The following TPPP2 variants were observed in gnomAD, a reference collection of about 807,000 sequenced individuals.
TPPP2 encodes tubulin polymerization promoting protein family member 2, also known as tubulin polymerization-promoting protein family member 2.
In TPPP2, 8 loss-of-function variants were observed where a neutral mutation model predicts 13.0. That is an observed-to-expected ratio of 0.62 (90% CI 0.36 to 1.11). The LOEUF is 1.11. Among genes scored for constraint, TPPP2 ranks in the 50% most tolerant of loss-of-function variants. TPPP2 has a pLI of 0.02. For synonymous variants in TPPP2, 81 were observed against 81.8 expected (o/e 0.99, Z 0.05); for missense variants, 213 against 216.9 (o/e 0.98, Z 0.11).
downstream of TPPP2, chr14:21,033,483 G>A (rs1030253687): frequency 8.5e-6 from 3 of 353,076 alleles, no homozygotes; most frequent in Admixed American, 4.3e-5. Context: ...GAGGCCCTGG[G>A]CCTCCATCCA....
Position 21,025,083 on chromosome 14 carries a change from C to G in TPPP2, n.236+739C>G, listed in dbSNP as rs915139170. On this transcript the variant is annotated intron_variant and non_coding_transcript_variant, in intron 1 of 1. Coordinates refer to the TPPP2 transcript ENST00000533755. The surrounding 1 kb of genome is among the most constrained non-coding windows in gnomAD (Gnocchi z 5.1). ...ACTTGCCTTTGACTCGGGCCCGCCC[C>G]GGCTCGGGCTTCCCGCAGACCCGCC... The G allele has an allele frequency of 3.0e-6, 3 of 986,062 alleles. No individual in the cohort carries two copies. The highest frequency in any genetic ancestry group is 3.6e-6 in the Non-Finnish European group (3 of 830,618). The allele number at this position is 986,062 out of a possible 1,614,324, so 61.1% of individuals were successfully genotyped here.
downstream of TPPP2, among the ~76,000 whole-genome samples, chr14:21,035,053 C>CA (rs561749003): frequency 2.1e-3 from 315 of 152,328 alleles, 1 homozygote; most frequent in Non-Finnish European, 3.8e-3. Flanking sequence ...TCCTGACCCT[C>CA]AGAGAACAGA....
chr14:21,031,307 C>T, intron 3 of TPPP2, 142 bp downstream of exon 3: 5 of 1,150,844 alleles, frequency 4.3e-6, no homozygotes, highest in Non-Finnish European at 5.9e-6. Context: ...TTCCAGAAGT[C>T]AGGAAAATGT....
upstream of TPPP2, among the ~76,000 whole-genome samples, chr14:21,026,335 T>G (rs1328993851): frequency 3.0e-5 from 4 of 134,654 alleles, no homozygotes; most frequent in Non-Finnish European, 4.7e-5. Flanking sequence ...CAGGATCATA[T>G]CCACCCCAAC....
In TPPP2 at chr14:21,032,574, T is replaced by C. The variant is rs1400800565; in HGVS notation, c.*497T>C. ...GTGGAGGAGTAGAAGCCAGCTAAGGTTGCCTGACTTCTATTACAAATTTGT... is the reference window on the plus strand; with the variant it reads ...GTGGAGGAGTAGAAGCCAGCTAAGGCTGCCTGACTTCTATTACAAATTTGT... On this transcript the variant is annotated 3_prime_UTR_variant, in exon 4 of 4. Transcript: ENST00000321760. 2.9e-6 allele frequency: 1 copy of C among 345,846 alleles called. No homozygotes were observed. Among genetic ancestry groups the C allele is most frequent in the African/African-American group, 2.2e-5 (1 of 46,214 alleles). 21.4% of individuals were successfully genotyped at this position (345,846 alleles called of 1,614,324 possible). A position where few individuals can be genotyped will look rare whatever the true frequency, so the allele number is the denominator to read the frequency against.
At chr14:21,026,198 G>A (rs1243451), upstream of TPPP2, among the ~76,000 whole-genome samples, 84,970 of 151,816 alleles carry the variant, frequency 0.56, 24,971 homozygotes, top group African/African-American at 0.75. Flanking sequence ...TGTGCCCCTC[G>A]GAGGAAGGCT....
In TPPP2 at chr14:21,032,808, C is replaced by A; in HGVS notation, c.*731C>A. ...TGAAGAAAAAGCAATTAAATCACAA[C>A]AGAGTCAGATGTGTGTTATTAACTT... On this transcript the variant is annotated 3_prime_UTR_variant, in exon 4 of 4. Transcript: ENST00000321760. 2.6e-6 allele frequency: 1 copy of A among 384,834 alleles called. No homozygotes were observed. Among genetic ancestry groups the A allele is most frequent in the South Asian group, 2.0e-5 (1 of 51,200 alleles). The allele number at this position is 384,834 out of a possible 1,614,324, so 23.8% of individuals were successfully genotyped here.
At position 21,025,138 on chromosome 14, in the gene TPPP2, C is replaced by T. The variant is rs1051237613; in HGVS notation, n.236+794C>T. 3 of 974,384 alleles carry T rather than the reference C, an allele frequency of 3.1e-6. No homozygotes were observed. The highest frequency in any genetic ancestry group is 3.7e-6 in the Non-Finnish European group (3 of 820,056). 60.4% of individuals were successfully genotyped at this position (974,384 alleles called of 1,614,324 possible). A position where few individuals can be genotyped will look rare whatever the true frequency, so the allele number is the denominator to read the frequency against. On this transcript the variant is annotated intron_variant and non_coding_transcript_variant, in intron 1 of 1. Transcript: ENST00000533755. The surrounding 1 kb of genome is among the most constrained non-coding windows in gnomAD (Gnocchi z 5.1). ...GCCCGCCCCAGCCCGCCCACGGGCG[C>T]TAGGCTCCCCGCAGACCCGCCCCAG...
At chr14:21,031,642 C>G (rs1049605508) in intron 3 of TPPP2, among the ~76,000 whole-genome samples, 2 of 152,038 alleles carry the variant, frequency 1.3e-5, no homozygotes, top group Non-Finnish European at 2.9e-5. Flanking sequence ...CCTCTGGAAA[C>G]AAAAAACCTA....
At chr14:21,025,767 CG>C, upstream of TPPP2, 4 of 137,870 alleles carry the variant, frequency 2.9e-5, no homozygotes, top group Non-Finnish European at 3.7e-5. The surrounding 1 kb of genome is among the most constrained non-coding windows in gnomAD (Gnocchi z 5.1). Flanking sequence ...GCGGGGAATG[CG>C]GGGGGCCGCT....
chr14:21,025,186 CT>C lies in TPPP2; in HGVS notation n.236+845del. On this transcript the variant is annotated intron_variant and non_coding_transcript_variant, in intron 1 of 1. Coordinates refer to the TPPP2 transcript ENST00000533755. The surrounding 1 kb of genome is among the most constrained non-coding windows in gnomAD (Gnocchi z 5.1). The stretch of plus-strand genomic sequence containing the variant: ...CAGACCCCCAGTAAACACGCCCCCC[CT>C]TTCACCCCGCCCAGACTGCCGCTCA... 1.1e-6 allele frequency: 1 copy of C among 897,500 alleles called. No homozygotes were observed. The highest frequency in any genetic ancestry group is 1.3e-6 in the Non-Finnish European group (1 of 749,530). 55.6% of individuals were successfully genotyped at this position (897,500 alleles called of 1,614,324 possible).
chr14:21,025,164 A>C lies in TPPP2; in HGVS notation n.236+820A>C. 1 of 933,838 alleles carries C rather than the reference A, an allele frequency of 1.1e-6. No individual in the cohort carries two copies. Among genetic ancestry groups the C allele is most frequent in the Non-Finnish European group, 1.3e-6 (1 of 783,594 alleles). 57.8% of individuals were successfully genotyped at this position (933,838 alleles called of 1,614,324 possible). A position where few individuals can be genotyped will look rare whatever the true frequency, so the allele number is the denominator to read the frequency against. On this transcript the variant is annotated intron_variant and non_coding_transcript_variant, in intron 1 of 1. Transcript: ENST00000533755. This position sits in a 1 kb window ranked among gnomAD's most constrained non-coding sequence, Gnocchi z 5.1. ...TAGGCTCCCCGCAGACCCGCCCCAG[A>C]CCCCCAGTAAACACGCCCCCCCTTT...
rs1417751929 is a variant in TPPP2, at chr14:21,032,716, G to C, written c.*639G>C. On this transcript the variant is annotated 3_prime_UTR_variant, in exon 4 of 4. Coordinates refer to ENST00000321760, the MANE Select transcript of TPPP2 (RefSeq NM_173846.5). ...ACAGAAGAGCTTACTGACTGCTAAG[G>C]GTAGCTCAGGAAGATGGCCAGATGA... is the stretch of plus-strand genomic sequence containing the variant. 1.1e-5 allele frequency: 4 copies of C among 362,000 alleles called. No homozygotes were observed. In the Admixed American group the frequency reaches 1.1e-4, roughly 10 times the overall value. The allele number at this position is 362,000 out of a possible 1,614,324, so 22.4% of individuals were successfully genotyped here.
rs1471886826 is a variant in TPPP2, at chr14:21,030,694, G to A, written c.113G>A (p.Gly38Asp). ...KNFSKLCKDC[G>D]IMDGKTVTST... ...TTCTCCAAGCTGTGCAAAGACTGTG[G>A]CATCATGGATGGCAAGACAGTCACC... Residue 38 changes from glycine (G) to aspartate (D), a missense_variant, in exon 2 of 4, where the codon GGC becomes GAC. Coordinates refer to ENST00000321760, the MANE Select transcript of TPPP2 (RefSeq NM_173846.5). 1.2e-6 allele frequency: 2 copies of A among 1,614,202 alleles called. No individual in the cohort carries two copies. Among genetic ancestry groups the A allele is most frequent in the African/African-American group, 2.7e-5 (2 of 75,046 alleles).
At chr14:21,033,021 C>T (rs758795500), downstream of TPPP2, 29 of 454,294 alleles carry the variant, frequency 6.4e-5, 1 homozygote, top group South Asian at 4.5e-4. Flanking sequence ...ACTCTGGAGT[C>T]TGGGGGATTT....
At chr14:21,033,709 G>C (rs776825721), downstream of TPPP2, 2 of 812,826 alleles carry the variant, frequency 2.5e-6, no homozygotes, top group South Asian at 2.9e-5. Flanking sequence ...CTTGGGAGGG[G>C]ACCCTGCCTG....
downstream of TPPP2, chr14:21,033,445 G>GGT: frequency 9.7e-6 from 3 of 308,290 alleles, no homozygotes; most frequent in Non-Finnish European, 1.8e-5. Flanking sequence ...GAGACTCGGA[G>GGT]CTGGTGCCTG....
chr14:21,036,243 T>G (rs1884619323), downstream of TPPP2: 1 of 456,214 alleles, frequency 2.2e-6, no homozygotes, highest in African/African-American at 2.0e-5. Flanking sequence ...CCAGTAAGAC[T>G]CAACTCAAAT....
upstream of TPPP2, among the ~76,000 whole-genome samples, chr14:21,027,266 ATC>A (rs1359133479): frequency 6.6e-6 from 1 of 152,178 alleles, no homozygotes; most frequent in Non-Finnish European, 1.5e-5. Context: ...TGCAAGGACA[ATC>A]TCTGTCTAAA....
Sources: allele counts gnomAD v4.1 joint callset (sites outside exome capture counted in the v4.1 genomes callset), GRCh38; gene constraint gnomAD v4.1.1; non-coding constraint Gnocchi (gnomAD v3.1); transcripts MANE v1.5; gene names NCBI Gene and HGNC (gene_info 2026-07-23, HGNC 2026-07-21).